SLCO1B1: variants seen among roughly 807,000 people sequenced by gnomAD.
The protein encoded by SLCO1B1 is solute carrier organic anion transporter family member 1B1.
Under a neutral mutation model 70.1 loss-of-function variants are expected in SLCO1B1, and 81 were observed. That is an observed-to-expected ratio of 1.16 (90% CI 0.97 to 1.39). The LOEUF is 1.39. Ranked by LOEUF, SLCO1B1 falls within the 40% of genes most tolerant of loss-of-function variation. The probability of loss-of-function intolerance (pLI) is 0.00; values close to 1 mark genes in which losing one functional copy is unlikely to be tolerated. For synonymous variants in SLCO1B1, 283 were observed against 271.5 expected, an observed-to-expected ratio of 1.04 and a Z score of -0.42; for missense variants, 895 against 799.6, an observed-to-expected ratio of 1.12 and a Z score of -1.44.
At chr12:21,181,482 C>T (rs1940897535) in intron 7 of SLCO1B1, among the ~76,000 whole-genome samples, 1 of 151,942 alleles carries the variant, frequency 6.6e-6, no homozygotes, top group Admixed American at 6.6e-5. Context: ...AAATTTAAAC[C>T]CAGATCTGTG....
chr12:21,239,072 GA>G lies in SLCO1B1; in HGVS notation c.1962del (p.Asp655IlefsTer16), dbSNP rs1195499452. Reference sequence around the variant, plus strand: ...ATGCCATGAAGAAAAAATATCAAGAGAAAGATATCAATGCATCAGAAAATGG... The same window carrying G: ...ATGCCATGAAGAAAAAATATCAAGAGAAGATATCAATGCATCAGAAAATGG... ...IYAMKKKYQE[K>X]DINASENGSV... On this transcript the variant is annotated frameshift_variant, in exon 15 of 15. Transcript: ENST00000256958. LOFTEE classifies it low-confidence loss of function (END_TRUNC). 1.9e-6 allele frequency: 3 copies of G among 1,596,200 alleles called. No homozygotes were observed. Among genetic ancestry groups the G allele is most frequent in the Non-Finnish European group, 1.7e-6 (2 of 1,164,824 alleles).
intron 13 of SLCO1B1, among the ~76,000 whole-genome samples, chr12:21,224,299 T>C (rs4149079): frequency 0.34 from 51,608 of 151,808 alleles, 9,111 homozygotes; most frequent in East Asian, 0.45. Flanking sequence ...AAAAGTCTGC[T>C]TTTACAGCAA....
At chr12:21,196,668 T>C (rs1941095269) in intron 7 of SLCO1B1, among the ~76,000 whole-genome samples, 1 of 152,142 alleles carries the variant, frequency 6.6e-6, no homozygotes, top group Admixed American at 6.6e-5. Context: ...AAATGTCCAG[T>C]GATAGAAACT....
At chr12:21,211,537 C>A (rs1176138743) in intron 11 of SLCO1B1, among the ~76,000 whole-genome samples, 1 of 152,156 alleles carries the variant, frequency 6.6e-6, no homozygotes, top group Non-Finnish European at 1.5e-5. Flanking sequence ...TTTGTTGTGT[C>A]TCTGCCTGGC....
chr12:21,133,356 C>T (rs961936762), intron 1 of SLCO1B1, among the ~76,000 whole-genome samples: 2 of 152,042 alleles, frequency 1.3e-5, no homozygotes, highest in African/African-American at 4.8e-5. Context: ...TAGTTTTTTC[C>T]AATTCTGTGA....
chr12:21,200,536 T>C lies in SLCO1B1; in HGVS notation c.999T>C (p.Leu333=), dbSNP rs965177358. The C allele has an allele frequency of 1.3e-6, 2 of 1,591,670 alleles. No homozygotes were observed. Among genetic ancestry groups the C allele is most frequent in the African/African-American group, 2.7e-5 (2 of 74,416 alleles). Residue 333 remains leucine (L), a synonymous_variant, in exon 9 of 15, where the codon CTT becomes CTC. Transcript: ENST00000256958. ...TTTTCCAGTCTTTTAAAAGCATCCT[T>C]ACTAATCCCCTGTATGTTATGTTTG... ...TGFFQSFKSI[L]TNPLYVMFVL...
chr12:21,141,681 G>T (rs773997852), intron 2 of SLCO1B1, 23 bp downstream of exon 2: 3 of 1,483,746 alleles, frequency 2.0e-6, no homozygotes, highest in Non-Finnish European at 2.8e-6. Flanking sequence ...TTATGTTTTT[G>T]AGCTAAAATA....
intron 4 of SLCO1B1, among the ~76,000 whole-genome samples, chr12:21,175,765 A>G (rs529648989): frequency 1.3e-5 from 2 of 152,076 alleles, no homozygotes; most frequent in South Asian, 2.1e-4. Flanking sequence ...TTTTGGCACC[A>G]TACCGTCAGA....
chr12:21,176,796 C>G lies in SLCO1B1; in HGVS notation c.380C>G (p.Thr127Ser), dbSNP rs569028384. The change falls in exon 5 of 15, where the codon ACT (threonine) becomes AGT (serine). Residue 127 changes from threonine to serine, a missense_variant. Transcript: ENST00000256958. The stretch of plus-strand genomic sequence containing the variant: ...TACAGTTACAGGTATTCTAAAGAAA[C>G]TAATATCAATTCATCAGAAAATTCA... ...FMGYYRYSKE[T>S]NINSSENSTS... 41 of 1,541,076 alleles carry G rather than the reference C, an allele frequency of 2.7e-5. No homozygotes were observed. In the South Asian group the frequency reaches 4.2e-4, roughly 16 times the overall value.
At chr12:21,215,040 G>A (rs546856299) in intron 11 of SLCO1B1, among the ~76,000 whole-genome samples, 42 of 152,308 alleles carry the variant, frequency 2.8e-4, no homozygotes, top group Non-Finnish European at 5.7e-4. Context: ...CGCTCACGCT[G>A]GGAGCTGTAG....
intron 2 of SLCO1B1, among the ~76,000 whole-genome samples, chr12:21,162,166 TG>T (rs777462107): frequency 2.6e-5 from 4 of 151,990 alleles, no homozygotes; most frequent in Non-Finnish European, 5.9e-5. Context: ...TACTTATTGA[TG>T]TGCATGAAGA....
intron 12 of SLCO1B1, among the ~76,000 whole-genome samples, chr12:21,219,925 C>T (rs561488338): frequency 2.3e-3 from 352 of 152,216 alleles, no homozygotes; most frequent in African/African-American, 8.1e-3. Context: ...CCGTGCCTGA[C>T]TAATTTTTGT....
At chr12:21,221,193 C>T (rs1266631091) in intron 12 of SLCO1B1, among the ~76,000 whole-genome samples, 1 of 152,060 alleles carries the variant, frequency 6.6e-6, no homozygotes, top group Non-Finnish European at 1.5e-5. Context: ...ATGACAAACC[C>T]ACTGCCAACT....
intron 1 of SLCO1B1, among the ~76,000 whole-genome samples, chr12:21,132,437 T>A (rs1940151402): frequency 6.6e-6 from 1 of 152,186 alleles, no homozygotes; most frequent in African/African-American, 2.4e-5. Flanking sequence ...GTTGAACTAG[T>A]TTACAGTCCC....
At chr12:21,197,587 T>C (rs1941108719) in intron 8 of SLCO1B1, among the ~76,000 whole-genome samples, 1 of 152,132 alleles carries the variant, frequency 6.6e-6, no homozygotes, top group Non-Finnish European at 1.5e-5. Context: ...ACATTACCTC[T>C]ATTTTTCAAG....
rs550646818 is a variant in SLCO1B1, at chr12:21,199,172, A to T, written c.971-1336A>T. On this transcript the variant is annotated intron_variant, in intron 8 of 14. Transcript: ENST00000256958. ...CTGTTTCGTAGCTGACATTAAATGG[A>T]TGTCTTAGTTCTGACCATATCTAAT... Among the ~76,000 whole-genome samples, 203 of 152,182 alleles carry T rather than the reference A, an allele frequency of 1.3e-3. 2 individuals carry two copies. Among genetic ancestry groups the T allele is most frequent in the African/African-American group, 4.6e-3 (191 of 41,510 alleles).
At chr12:21,134,018 AT>A (rs1269890987) in intron 1 of SLCO1B1, among the ~76,000 whole-genome samples, 1 of 152,262 alleles carries the variant, frequency 6.6e-6, no homozygotes, top group Non-Finnish European at 1.5e-5. Flanking sequence ...TCAATACCTA[AT>A]TTATTGAGAG....
chr12:21,201,097 A>G (rs113377671), intron 9 of SLCO1B1, among the ~76,000 whole-genome samples: 2,516 of 152,236 alleles, frequency 0.017, 65 homozygotes, highest in African/African-American at 0.057. Context: ...ATACATCAAA[A>G]TATGCATAAT....
At chr12:21,207,318 A>G (rs1941225887) in intron 11 of SLCO1B1, among the ~76,000 whole-genome samples, 1 of 151,752 alleles carries the variant, frequency 6.6e-6, no homozygotes, top group South Asian at 2.1e-4. Context: ...AGTCTGTAAT[A>G]TGTATTTTTC....
Sources: allele counts gnomAD v4.1 joint callset (sites outside exome capture counted in the v4.1 genomes callset), GRCh38; gene constraint gnomAD v4.1.1; transcripts MANE v1.5; gene names NCBI Gene and HGNC (gene_info 2026-07-23, HGNC 2026-07-21).